The following XKR9 variants were observed in gnomAD, a reference collection of about 807,000 sequenced individuals.
The protein encoded by XKR9 is XK related 9.
XKR9 carries 32 observed loss-of-function variants against 32.0 expected under a neutral mutation model. The observed-to-expected ratio is 1.00, with a 90% CI of 0.76 to 1.34. XKR9 has a LOEUF of 1.34. Among genes scored for constraint, XKR9 ranks in the 40% most tolerant of loss-of-function variants. The pLI, the probability that XKR9 is intolerant of heterozygous loss-of-function variation, is 0.00. For missense variants in XKR9, 546 were observed against 429.7 expected, an observed-to-expected ratio of 1.27 and a Z score of -2.39; for synonymous variants, 168 against 143.4, an observed-to-expected ratio of 1.17 and a Z score of -1.22.
the XKR9 span, among the ~76,000 whole-genome samples, chr8:70,948,587 T>C: frequency 4.6e-5 from 7 of 152,268 alleles, no homozygotes; most frequent in East Asian, 9.7e-4. Flanking sequence ...TTCTCTCTGG[T>C]CTATACAATA....
At chr8:70,908,693 A>G in the XKR9 span, among the ~76,000 whole-genome samples, 1 of 152,222 alleles carries the variant, frequency 6.6e-6, no homozygotes, top group Non-Finnish European at 1.5e-5. Flanking sequence ...TGTTCCAATT[A>G]AACTTTATTT....
chr8:70,684,619 A>G (rs1563420647), intron 3 of XKR9, among the ~76,000 whole-genome samples: 2 of 151,820 alleles, frequency 1.3e-5, no homozygotes, highest in Non-Finnish European at 2.9e-5. Flanking sequence ...AATATCCAGA[A>G]TCTACAATGA....
In XKR9 at chr8:70,735,157, G is replaced by T. The variant is rs1391271393; in HGVS notation, c.*733G>T. ...CCATCTTAATCACTTTGAGTGTACA[G>T]TTCATCAGTGTTAACTGTATTCACC... On this transcript the variant is annotated 3_prime_UTR_variant, in exon 5 of 5. Coordinates refer to ENST00000408926, the MANE Select transcript of XKR9 (RefSeq NM_001011720.2). 6.6e-6 allele frequency: 1 copy of T among 151,888 alleles called. No individual in the cohort carries two copies. Among genetic ancestry groups the T allele is most frequent in the South Asian group, 2.1e-4 (1 of 4,818 alleles). 9.4% of individuals were successfully genotyped at this position (151,888 alleles called of 1,614,324 possible). A position where few individuals can be genotyped will look rare whatever the true frequency, so the allele number is the denominator to read the frequency against.
chr8:70,706,573 C>A (rs1805724145), intron 3 of XKR9, among the ~76,000 whole-genome samples: 1 of 152,038 alleles, frequency 6.6e-6, no homozygotes. Flanking sequence ...CTGTGTCTAC[C>A]CCTTACTATC....
intron 4 of XKR9, among the ~76,000 whole-genome samples, chr8:70,710,350 C>T (rs1266159356): frequency 6.6e-6 from 1 of 152,250 alleles, no homozygotes; most frequent in East Asian, 1.9e-4. Flanking sequence ...AGAAGAAAAT[C>T]TAGGAAATAC....
chr8:70,882,482 C>G, the XKR9 span, among the ~76,000 whole-genome samples: 4 of 151,416 alleles, frequency 2.6e-5, no homozygotes, highest in Non-Finnish European at 4.4e-5. Flanking sequence ...AGTACTGACC[C>G]TTGTAAAAAT....
the XKR9 span, among the ~76,000 whole-genome samples, chr8:70,821,539 C>T: frequency 6.6e-6 from 1 of 152,236 alleles, no homozygotes; most frequent in Non-Finnish European, 1.5e-5. Context: ...CAGAGGTTCT[C>T]CATGAGGGCC....
intron 2 of XKR9, among the ~76,000 whole-genome samples, chr8:70,782,585 C>G (rs1807631915): frequency 6.6e-6 from 1 of 151,900 alleles, no homozygotes; most frequent in South Asian, 2.1e-4. Context: ...CCATCTCTCC[C>G]AACCCCTAAC....
the XKR9 span, among the ~76,000 whole-genome samples, chr8:70,815,509 T>TTTTATTTTATTTATTTA: frequency 7.1e-6 from 1 of 141,762 alleles, no homozygotes; most frequent in Non-Finnish European, 1.5e-5. Context: ...CATTCCTTTA[T>TTTTATTTTATTTATTTA]TTTATTTATT....
At chr8:70,700,158 G>A (rs1035993416) in intron 3 of XKR9, among the ~76,000 whole-genome samples, 30 of 151,914 alleles carry the variant, frequency 2.0e-4, no homozygotes, top group African/African-American at 4.4e-4. Flanking sequence ...TAGTTTGATC[G>A]TCTGAAGCCT....
At chr8:71,006,320 G>C in the XKR9 span, among the ~76,000 whole-genome samples, 4 of 130,612 alleles carry the variant, frequency 3.1e-5, no homozygotes, top group African/African-American at 1.2e-4. Context: ...AAAACATTAC[G>C]ATATTTAAAA....
intron 2 of XKR9, among the ~76,000 whole-genome samples, chr8:70,784,868 C>A (rs1807662497): frequency 1.3e-5 from 2 of 151,416 alleles, no homozygotes; most frequent in African/African-American, 4.8e-5. Context: ...TGATACATTT[C>A]TTCTATACCT....
At chr8:70,854,397 A>T in the XKR9 span, among the ~76,000 whole-genome samples, 1 of 151,932 alleles carries the variant, frequency 6.6e-6, no homozygotes, top group Non-Finnish European at 1.5e-5. Flanking sequence ...AATTTGTTTG[A>T]GTTCATTGTA....
chr8:70,919,991 A>G, the XKR9 span, among the ~76,000 whole-genome samples: 1 of 152,190 alleles, frequency 6.6e-6, no homozygotes, highest in Non-Finnish European at 1.5e-5. Flanking sequence ...CATTGTCTAT[A>G]TCATGGGCAT....
At chr8:70,954,392 A>G in the XKR9 span, among the ~76,000 whole-genome samples, 4 of 152,226 alleles carry the variant, frequency 2.6e-5, no homozygotes, top group African/African-American at 4.8e-5. Context: ...ACGTAGGTGC[A>G]TAACAGTGTC....
At chr8:70,969,486 C>T in the XKR9 span, among the ~76,000 whole-genome samples, 4 of 152,278 alleles carry the variant, frequency 2.6e-5, no homozygotes, top group East Asian at 7.7e-4. Context: ...CCTTCAGTGC[C>T]CTATCTCCTT....
chr8:70,891,050 A>G, the XKR9 span, among the ~76,000 whole-genome samples: 1 of 151,968 alleles, frequency 6.6e-6, no homozygotes, highest in Admixed American at 6.6e-5. Flanking sequence ...AAATTTAACC[A>G]TTTCCATTAG....
intron 2 of XKR9, among the ~76,000 whole-genome samples, chr8:70,754,564 G>GAT (rs1807189980): frequency 6.7e-6 from 1 of 148,542 alleles, no homozygotes; most frequent in South Asian, 2.1e-4. Context: ...TACCAAAACA[G>GAT]ATATAGATCA....
chr8:71,035,034 T>G, the XKR9 span, among the ~76,000 whole-genome samples: 2 of 152,222 alleles, frequency 1.3e-5, no homozygotes, highest in African/African-American at 4.8e-5. Flanking sequence ...ATAAACAGTT[T>G]GTTATTATTC....
Sources: gnomAD v4.1 joint callset for allele counts (sites outside exome capture counted in the v4.1 genomes callset) on GRCh38, gnomAD v4.1.1 for gene constraint, MANE v1.5 for transcripts, NCBI Gene and HGNC (gene_info 2026-07-23, HGNC 2026-07-21) for gene names.